The following SGPP2 variants were observed in gnomAD, a reference collection of about 807,000 sequenced individuals.
The protein encoded by SGPP2 is sphingosine-1-phosphate phosphatase 2, also known as sphingosine 1-phosphate phosphohydrolase 2.
A neutral mutation model predicts 33.9 loss-of-function variants in SGPP2; 30 were observed. The observed-to-expected ratio is 0.89, with a 90% CI of 0.66 to 1.20. The LOEUF is 1.20. Ranked by LOEUF, SGPP2 falls within the 50% of genes most tolerant of loss-of-function variation. The pLI, the probability that SGPP2 is intolerant of heterozygous loss-of-function variation, is 0.00. For synonymous variants in SGPP2, 233 were observed against 225.0 expected (o/e 1.04, Z -0.32); for missense variants, 458 against 532.1 (o/e 0.86, Z 1.37).
intron 4 of SGPP2, among the ~76,000 whole-genome samples, chr2:222,532,087 A>C (rs1351317021): frequency 1.3e-5 from 2 of 152,174 alleles, no homozygotes; most frequent in Non-Finnish European, 1.5e-5. Context: ...AGCCTGACCA[A>C]CATGGAGAAA....
intron 2 of SGPP2, among the ~76,000 whole-genome samples, chr2:222,478,396 G>A (rs1434487691): frequency 6.6e-6 from 1 of 151,970 alleles, no homozygotes; most frequent in Non-Finnish European, 1.5e-5. Flanking sequence ...TGGATGAAAG[G>A]AAGGGCAAGT....
At chr2:222,426,655 C>G (rs749509852) in intron 1 of SGPP2, among the ~76,000 whole-genome samples, 1 of 152,084 alleles carries the variant, frequency 6.6e-6, no homozygotes, top group African/African-American at 2.4e-5. Flanking sequence ...AAGCTGAATG[C>G]CCAAGATAAG....
In SGPP2 at chr2:222,460,897, T is replaced by A. The variant is rs551775150; in HGVS notation, c.220-13671T>A. ...CCCTTCATGATGCCTTTTTAAAAAA[T>A]CTCTTTAAATTAATTAAGCAATGGG... On this transcript the variant is annotated intron_variant, in intron 1 of 4. Coordinates refer to ENST00000321276, the MANE Select transcript of SGPP2 (RefSeq NM_152386.4). The surrounding 1 kb of genome is among the most constrained non-coding windows in gnomAD (Gnocchi z 4.3). 1.3e-5 allele frequency among the ~76,000 whole-genome samples: 2 copies of A among 152,126 alleles called. No homozygotes were observed. The highest frequency in any genetic ancestry group is 3.9e-4 in the East Asian group (2 of 5,144).
chr2:222,500,375 G>C (rs1574863365), intron 2 of SGPP2, among the ~76,000 whole-genome samples: 1 of 152,136 alleles, frequency 6.6e-6, no homozygotes, highest in East Asian at 1.9e-4. Context: ...AAAAAAGGGA[G>C]GGAGCAATGA....
chr2:222,519,097 A>G (rs893740442), intron 2 of SGPP2, among the ~76,000 whole-genome samples: 1 of 152,220 alleles, frequency 6.6e-6, no homozygotes, highest in African/African-American at 2.4e-5. Context: ...AAGCAAGGTA[A>G]TGCCATCCAT....
intron 1 of SGPP2, among the ~76,000 whole-genome samples, chr2:222,436,118 C>T (rs552331283): frequency 6.6e-6 from 1 of 152,310 alleles, no homozygotes; most frequent in East Asian, 1.9e-4. Context: ...CCCCAGGCAA[C>T]ACTGTAACTC....
intron 1 of SGPP2, among the ~76,000 whole-genome samples, chr2:222,427,189 T>C (rs1226128065): frequency 1.3e-5 from 2 of 152,228 alleles, no homozygotes; most frequent in Non-Finnish European, 2.9e-5. Flanking sequence ...TTTTTTCTCA[T>C]AGCCTGGCAC....
At chr2:222,501,947 CT>C (rs1698373877) in intron 2 of SGPP2, among the ~76,000 whole-genome samples, 1 of 152,046 alleles carries the variant, frequency 6.6e-6, no homozygotes, top group Non-Finnish European at 1.5e-5. Flanking sequence ...AAGACAAATG[CT>C]TTCTCAATCT....
At chr2:222,552,608 C>T in intron 4 of SGPP2, among the ~76,000 whole-genome samples, 1 of 152,234 alleles carries the variant, frequency 6.6e-6, no homozygotes, top group African/African-American at 2.4e-5. Flanking sequence ...TGCCTGTAAT[C>T]CCAGCACTTT....
In SGPP2 at chr2:222,443,247, T is replaced by C. The variant is rs189253433; in HGVS notation, c.219+18426T>C. Among the ~76,000 whole-genome samples the C allele has an allele frequency of 1.7e-3, 259 of 152,326 alleles. 2 individuals are homozygous for C. The Middle Eastern group carries it at 0.017, about 10-fold the overall frequency. Reference sequence around the variant, plus strand: ...TTTTTTAAAATTTAATTTAGATTCATTGAGTACATATTCAGATTTGTTACA... The same window carrying C: ...TTTTTTAAAATTTAATTTAGATTCACTGAGTACATATTCAGATTTGTTACA... On this transcript the variant is annotated intron_variant, in intron 1 of 4. Coordinates refer to ENST00000321276, the MANE Select transcript of SGPP2 (RefSeq NM_152386.4).
In SGPP2 at chr2:222,533,707, C is replaced by G. The variant is rs551782690; in HGVS notation, c.648+8674C>G. ...TTCATCAGAAGCTTCCCTCACCACT[C>G]TTACCCAAGCTTATCTCTGCATGGT... On this transcript the variant is annotated intron_variant, in intron 4 of 4. Coordinates refer to ENST00000321276, the MANE Select transcript of SGPP2 (RefSeq NM_152386.4). Among the ~76,000 whole-genome samples the G allele has an allele frequency of 2.0e-5, 3 of 152,252 alleles. No individual in the cohort carries two copies. In the East Asian group the frequency reaches 5.8e-4, roughly 29 times the overall value.
Position 222,558,761 on chromosome 2 carries a change from A to G in SGPP2, c.1063A>G (p.Lys355Glu), listed in dbSNP as rs1689467530. Residue 355 changes from lysine to glutamate, a missense_variant, in exon 5 of 5, where the codon AAG (lysine) becomes GAG (glutamate). Transcript: ENST00000321276. ...LSLQVLYSWFKVVTRNKEARR... is the reference protein window; with the variant it reads ...LSLQVLYSWFEVVTRNKEARR... ...ACTGCAAGTATTATACTCATGGTTC[A>G]AGGTGGTCACCAGGAACAAGGAGGC... 6.2e-7 allele frequency: 1 copy of G among 1,614,060 alleles called. No individual in the cohort carries two copies.
intron 4 of SGPP2, among the ~76,000 whole-genome samples, chr2:222,532,666 C>T (rs540854426): frequency 6.6e-6 from 1 of 152,344 alleles, no homozygotes; most frequent in African/African-American, 2.4e-5. Context: ...CGTTCTGGCT[C>T]TTAAATATGT....
At chr2:222,438,014 AG>A (rs1166555383) in intron 1 of SGPP2, among the ~76,000 whole-genome samples, 9 of 152,204 alleles carry the variant, frequency 5.9e-5, no homozygotes, top group African/African-American at 2.2e-4. Flanking sequence ...CCTGTTGCAG[AG>A]CCTTCTTCTG....
rs1213351082 is a variant in SGPP2 at position 222,470,092 on chromosome 2, C to A, written c.220-4476C>A. Among the ~76,000 whole-genome samples the A allele has an allele frequency of 2.6e-5, 4 of 152,072 alleles. No homozygotes were observed. In the East Asian group the frequency reaches 7.7e-4, roughly 29 times the overall value. On this transcript the variant is annotated intron_variant, in intron 1 of 4. Transcript: ENST00000321276. ...GAACACATGGACACAGGGAGGGGAA[C>A]ATCACACACCGGGGCCTGTCAGCGG...
At chr2:222,554,782 A>G (rs1689359144) in intron 4 of SGPP2, among the ~76,000 whole-genome samples, 1 of 152,216 alleles carries the variant, frequency 6.6e-6, no homozygotes, top group Non-Finnish European at 1.5e-5. Flanking sequence ...TGCAGACAGC[A>G]GCGGGCATTC....
chr2:222,492,703 C>T (rs1698216967), intron 2 of SGPP2, among the ~76,000 whole-genome samples: 1 of 152,218 alleles, frequency 6.6e-6, no homozygotes, highest in Admixed American at 6.5e-5. Context: ...TTGAATTTTT[C>T]CCCAGAAAAT....
At chr2:222,526,996 A>G (rs534076216) in intron 4 of SGPP2, among the ~76,000 whole-genome samples, 4 of 152,346 alleles carry the variant, frequency 2.6e-5, no homozygotes, top group African/African-American at 9.6e-5. Context: ...AAATTTAAAA[A>G]AGAATGATCT....
intron 1 of SGPP2, chr2:222,452,887 T>C: frequency 6.2e-7 from 1 of 1,606,120 alleles, no homozygotes; most frequent in Non-Finnish European, 8.5e-7. Context: ...AACCAGGTCT[T>C]CACCTGTTTG....
Sources: gnomAD v4.1 joint callset for allele counts (sites outside exome capture counted in the v4.1 genomes callset) on GRCh38, gnomAD v4.1.1 for gene constraint, Gnocchi (gnomAD v3.1) non-coding constraint, MANE v1.5 for transcripts, NCBI Gene and HGNC (gene_info 2026-07-23, HGNC 2026-07-21) for gene names.